MYCBPAP: variants seen among roughly 807,000 people sequenced by gnomAD.
MYCBPAP encodes MYCBP-associated protein.
MYCBPAP carries 60 observed loss-of-function variants against 106.1 expected under a neutral mutation model. The ratio of observed to expected loss-of-function variants is 0.57; its 90% CI spans 0.46 to 0.70. The LOEUF (loss-of-function observed/expected upper bound fraction) is 0.70, where lower values mean the gene tolerates loss of function less well. Among genes scored for constraint, MYCBPAP ranks in the 30% least tolerant of loss-of-function variants. The pLI, the probability that MYCBPAP is intolerant of heterozygous loss-of-function variation, is 0.00. For synonymous variants in MYCBPAP, 407 were observed against 440.6 expected (o/e 0.92, Z 0.95); for missense variants, 1,064 against 1,169.3 (o/e 0.91, Z 1.31).
chr17:50,508,372 G>T (rs992837467), upstream of MYCBPAP: 3 of 545,266 alleles, frequency 5.5e-6, no homozygotes, highest in South Asian at 8.7e-5. Context: ...CCCCCGCCCC[G>T]CCCCGCCCGG....
chr17:50,529,914 T>G (rs1217223555), intron 18 of MYCBPAP: 4 of 444,696 alleles, frequency 9.0e-6, no homozygotes, highest in Non-Finnish European at 1.8e-5. Context: ...CCGTTTTGTT[T>G]GTTAGTGTTG....
intron 14 of MYCBPAP, 125 bp from the exon 15 acceptor site, chr17:50,527,162 C>A: frequency 7.3e-7 from 1 of 1,362,816 alleles, no homozygotes; most frequent in Non-Finnish European, 1.0e-6. Context: ...ACCCAGACAG[C>A]TCTCCATAGC....
chr17:50,519,356 G>A, intron 6 of MYCBPAP: 2 of 584,090 alleles, frequency 3.4e-6, no homozygotes, highest in South Asian at 2.2e-5. Flanking sequence ...ACTGAGTGGA[G>A]CCTACACCCT....
intron 18 of MYCBPAP, 181 bp downstream of exon 18, chr17:50,529,369 A>C: frequency 1.6e-6 from 1 of 613,980 alleles, no homozygotes; most frequent in Non-Finnish European, 2.8e-6. Context: ...TTAGGTGATG[A>C]GTACGACGGG....
intron 10 of MYCBPAP, chr17:50,522,412 T>C: frequency 5.0e-6 from 1 of 200,744 alleles, no homozygotes; most frequent in South Asian, 9.7e-5. Flanking sequence ...ATATTTTATC[T>C]GGCCAGGCGC....
In MYCBPAP at chr17:50,526,148, A is replaced by C. The variant is rs1200691363; in HGVS notation, c.2050A>C (p.Ser684Arg). 6.2e-7 allele frequency: 1 copy of C among 1,613,562 alleles called. No homozygotes were observed. The highest frequency in any genetic ancestry group is 2.2e-5 in the East Asian group (1 of 44,868). ...GGGGACCAAGAGTCCTCAGCGGAAG[A>C]GCATCATGGAGGAGATCCTGGTGGA... ...RVGTKSPQRK[S>R]IMEEILVEES... The change falls in exon 14 of 19, where the codon AGC (serine) becomes CGC (arginine). Residue 684 changes from serine (S) to arginine (R), a missense_variant. Ser to Arg is a moderately radical substitution (Grantham distance 110). Coordinates refer to ENST00000323776, the MANE Select transcript of MYCBPAP (RefSeq NM_032133.6).
intron 6 of MYCBPAP, 44 bp downstream of exon 6, chr17:50,519,133 G>A (rs2034163987): frequency 7.2e-7 from 1 of 1,395,760 alleles, no homozygotes; most frequent in Non-Finnish European, 1.0e-6. Flanking sequence ...GGGGGTCCAT[G>A]GAGGAGGGGG....
Position 50,521,392 on chromosome 17 carries a change from A to G in MYCBPAP, c.1109A>G (p.Glu370Gly). ...ACTGTGGAAGACTACACAGTGTTTGAAAGAAGTCAGGGAAGCTCCTCTGAA... is the reference window on the plus strand; with the variant it reads ...ACTGTGGAAGACTACACAGTGTTTGGAAGAAGTCAGGGAAGCTCCTCTGAA... ...AVTVEDYTVF[E>G]RSQGSSSEDT... The change falls in exon 9 of 19, where the codon GAA becomes GGA. Residue 370 changes from glutamate to glycine, a missense_variant. Transcript: ENST00000323776. The G allele has an allele frequency of 6.2e-7, 1 of 1,603,494 alleles. No individual in the cohort carries two copies.
At chr17:50,512,053 C>CTTTT (rs774304337) in intron 1 of MYCBPAP, among the ~76,000 whole-genome samples, 3 of 131,850 alleles carry the variant, frequency 2.3e-5, no homozygotes, top group Non-Finnish European at 4.7e-5. Flanking sequence ...AGCAAGTTTT[C>CTTTT]TTTTTTTTTT....
Position 50,521,217 on chromosome 17 carries a change from A to G in MYCBPAP, c.1024A>G (p.Ser342Gly). 1 of 1,611,642 alleles carries G rather than the reference A, an allele frequency of 6.2e-7. No homozygotes were observed. The highest frequency in any genetic ancestry group is 8.5e-7 in the Non-Finnish European group (1 of 1,178,968). ...LQRIMEELDF[S>G]QQDIDGLEVV... is the part of the protein sequence containing the mutation. ...GAGAATCATGGAAGAGCTGGATTTCAGCCAGCAGGTTGGTATGGCCTCCAT... is the reference window on the plus strand; with the variant it reads ...GAGAATCATGGAAGAGCTGGATTTCGGCCAGCAGGTTGGTATGGCCTCCAT... Residue 342 changes from serine (S) to glycine (G), a missense_variant, in exon 8 of 19, where the codon AGC becomes GGC. Ser to Gly is a moderately conservative substitution (Grantham distance 56). Transcript: ENST00000323776.
At chr17:50,529,842 T>C in intron 18 of MYCBPAP, 1 of 456,604 alleles carries the variant, frequency 2.2e-6, no homozygotes, top group South Asian at 1.5e-5. Context: ...TTTGAAGGAC[T>C]AGAGAGACTT....
chr17:50,528,607 C>A, intron 16 of MYCBPAP, 88 bp from the exon 17 acceptor site: 1 of 1,526,428 alleles, frequency 6.6e-7, no homozygotes, highest in South Asian at 1.2e-5. Context: ...CTTTGCTTTT[C>A]CACCTCCCCT....
intron 1 of MYCBPAP, chr17:50,514,811 C>A: frequency 5.4e-6 from 2 of 367,932 alleles, no homozygotes; most frequent in Non-Finnish European, 1.1e-5. Flanking sequence ...GCATGTACTA[C>A]CATGCCTGGT....
upstream of MYCBPAP, chr17:50,508,438 C>T (rs2033691888): frequency 4.6e-6 from 5 of 1,094,740 alleles, no homozygotes; most frequent in Admixed American, 3.4e-5. Flanking sequence ...GCCGGGCCCG[C>T]AGGGCTTTCT....
chr17:50,522,208 C>T lies in MYCBPAP; in HGVS notation c.1257+127C>T, dbSNP rs1271296086. 2.1e-5 allele frequency: 14 copies of T among 655,618 alleles called. 1 individual carries two copies. The highest frequency in any genetic ancestry group is 2.7e-5 in the Admixed American group (1 of 36,862). 40.6% of individuals were successfully genotyped at this position (655,618 alleles called of 1,614,324 possible). On this transcript the variant is annotated intron_variant, in intron 10 of 18. Transcript: ENST00000323776. ...TTTTTATCTGGTCGTGCATTCAGCACGTCTGAAAATGGTGACAGCAACACT... is the reference window on the plus strand; with the variant it reads ...TTTTTATCTGGTCGTGCATTCAGCATGTCTGAAAATGGTGACAGCAACACT...
intron 1 of MYCBPAP, chr17:50,515,779 C>T (rs1355536186): frequency 6.6e-6 from 1 of 152,204 alleles, no homozygotes; most frequent in Non-Finnish European, 1.5e-5. Context: ...GATGCGTACC[C>T]AAGACTGTCC....
At chr17:50,525,757 C>G in intron 13 of MYCBPAP, 124 bp from the exon 14 acceptor site, 1 of 1,191,580 alleles carries the variant, frequency 8.4e-7, no homozygotes, top group Non-Finnish European at 1.2e-6. Flanking sequence ...TCCCAAAGCA[C>G]TGGGATTGCA....
In MYCBPAP at chr17:50,528,826, C is replaced by T; in HGVS notation, c.2539C>T (p.Leu847=). ...KDKEDKKGAK[L]LGKEDRPNSK... ...CAAAGAAGACAAGAAAGGAGCCAAG[C>T]TGCTCGGGAAAGAGGCATGCTGGGG... The change falls in exon 17 of 19, where the codon CTG becomes TTG. Residue 847 remains leucine, a synonymous_variant. Coordinates refer to ENST00000323776, the MANE Select transcript of MYCBPAP (RefSeq NM_032133.6). 1.2e-6 allele frequency: 2 copies of T among 1,613,574 alleles called. No homozygotes were observed. Among genetic ancestry groups the T allele is most frequent in the Non-Finnish European group, 1.7e-6 (2 of 1,179,996 alleles).
chr17:50,518,323 C>A (rs550150972), intron 4 of MYCBPAP, among the ~76,000 whole-genome samples: 1 of 152,332 alleles, frequency 6.6e-6, no homozygotes, highest in East Asian at 1.9e-4. Context: ...AATCTTGAAA[C>A]AGAAGTTCCC....
Sources: gnomAD v4.1 joint callset for allele counts (sites outside exome capture counted in the v4.1 genomes callset) on GRCh38, gnomAD v4.1.1 for gene constraint, MANE v1.5 for transcripts, NCBI Gene and HGNC (gene_info 2026-07-23, HGNC 2026-07-21) for gene names.